Variants in CELF5 observed in about 807,000 individuals in gnomAD.
CELF5 encodes the protein CUGBP Elav-like family member 5.
A neutral mutation model predicts 54.9 loss-of-function variants in CELF5; 6 were observed. The ratio of observed to expected loss-of-function variants is 0.11; its 90% CI spans 0.06 to 0.22. CELF5 has a LOEUF of 0.22. CELF5 is among the 10% of genes least tolerant of loss of function. The pLI is 1.00. For synonymous variants in CELF5, 271 were observed against 290.9 expected (o/e 0.93, Z 0.70); for missense variants, 401 against 678.6 (o/e 0.59, Z 4.54).
intron 1 of CELF5, among the ~76,000 whole-genome samples, chr19:3,233,113 AT>A: frequency 6.6e-6 from 1 of 151,572 alleles, no homozygotes; most frequent in Admixed American, 6.6e-5. Context: ...AAATAAATAA[AT>A]AAATAAATAA....
chr19:3,248,910 C>CCTTTT (rs2079608256), intron 1 of CELF5, among the ~76,000 whole-genome samples: 1 of 119,230 alleles, frequency 8.4e-6, no homozygotes, highest in Non-Finnish European at 1.7e-5. Flanking sequence ...TCCTTCCTTT[C>CCTTTT]TTTCTTTCTT....
intron 1 of CELF5, among the ~76,000 whole-genome samples, chr19:3,243,910 T>A (rs2079525923): frequency 6.6e-6 from 1 of 151,864 alleles, no homozygotes; most frequent in African/African-American, 2.4e-5. Context: ...GGCACCAGTC[T>A]TATTGGATCA....
intron 2 of CELF5, among the ~76,000 whole-genome samples, chr19:3,255,152 C>T (rs1044745248): frequency 1.3e-5 from 2 of 152,116 alleles, no homozygotes; most frequent in African/African-American, 4.8e-5. Flanking sequence ...CCCCATCCCC[C>T]TAGACCCAAT....
rs56977899 is a variant in CELF5 at position 3,248,853 on chromosome 19, T to TCTTCCTTCCTTCCTTCCTTC, written c.260-2096_260-2077dup. Among the ~76,000 whole-genome samples, 96 of 118,906 alleles carry TCTTCCTTCCTTCCTTCCTTC rather than the reference T, an allele frequency of 8.1e-4. 1 individual carries two copies. The highest frequency in any genetic ancestry group is 1.4e-3 in the African/African-American group (40 of 28,600). 78.0% of individuals were successfully genotyped at this position (118,906 alleles called of 152,430 possible). On this transcript the variant is annotated intron_variant, in intron 1 of 12. Coordinates refer to ENST00000292672, the MANE Select transcript of CELF5 (RefSeq NM_021938.4). Reference sequence around the variant, plus strand: ...CCTACTACAAACTTTTTTCTTTCTTTCTTCCTTCCTTCCTTCCTTCCTTCC... The same window carrying TCTTCCTTCCTTCCTTCCTTC: ...CCTACTACAAACTTTTTTCTTTCTTTCTTCCTTCCTTCCTTCCTTCCTTCCTTCCTTCCTTCCTTCCTTCC...
rs764115970 is a variant in CELF5 at position 3,250,977 on chromosome 19, C to T, written c.260-8C>T. 1.2e-6 allele frequency: 2 copies of T among 1,612,176 alleles called. No individual in the cohort carries two copies. The highest frequency in any genetic ancestry group is 2.7e-5 in the African/African-American group (2 of 74,834). ...CTCTCTTAACACCCCCGTTTCTCTC[C>T]CTTCCAGGCTGTGCCTTCCTCACCT... On this transcript the variant is annotated splice_region_variant and splice_polypyrimidine_tract_variant and intron_variant, in intron 1 of 12. Transcript: ENST00000292672.
At chr19:3,258,615 TA>T (rs904388191) in intron 2 of CELF5, among the ~76,000 whole-genome samples, 69 of 152,180 alleles carry the variant, frequency 4.5e-4, no homozygotes, top group African/African-American at 1.6e-3. Context: ...ACATATTTTT[TA>T]TTTTTATTTT....
chr19:3,225,972 GAT>G (rs1385033998), intron 1 of CELF5, among the ~76,000 whole-genome samples: 3 of 152,160 alleles, frequency 2.0e-5, no homozygotes, highest in Non-Finnish European at 4.4e-5. Context: ...TTCTCCCTCC[GAT>G]GGCATCCCGG....
chr19:3,285,667 C>CCG (rs1249364148), intron 9 of CELF5, among the ~76,000 whole-genome samples: 3 of 74,948 alleles, frequency 4.0e-5, no homozygotes, highest in Non-Finnish European at 6.7e-5. Context: ...GGGTCCGCCC[C>CCG]CACCCCCCCT....
chr19:3,240,100 C>G (rs1434005328), intron 1 of CELF5, among the ~76,000 whole-genome samples: 1 of 151,932 alleles, frequency 6.6e-6, no homozygotes, highest in Admixed American at 6.6e-5. Context: ...ACTTTACCTC[C>G]CAAGTTCAAG....
rs1049561998 is a variant in CELF5 at position 3,228,924 on chromosome 19, G to A, written c.259+3926G>A. 1.3e-5 allele frequency among the ~76,000 whole-genome samples: 2 copies of A among 151,512 alleles called. No individual in the cohort carries two copies. The highest frequency in any genetic ancestry group is 2.9e-5 in the Non-Finnish European group (2 of 67,868). On this transcript the variant is annotated intron_variant, in intron 1 of 12. Coordinates refer to ENST00000292672, the MANE Select transcript of CELF5 (RefSeq NM_021938.4). The surrounding 1 kb of genome is among the most constrained non-coding windows in gnomAD (Gnocchi z 6.0). Reference sequence around the variant, plus strand: ...TGTGTGTGTGTGTGTGTACGCGGGCGCGCGCCTGGGAAGGACTCCTGCCGG... The same window carrying A: ...TGTGTGTGTGTGTGTGTACGCGGGCACGCGCCTGGGAAGGACTCCTGCCGG...
intron 2 of CELF5, among the ~76,000 whole-genome samples, chr19:3,261,164 A>G (rs1335106146): frequency 1.3e-5 from 2 of 152,172 alleles, no homozygotes; most frequent in Non-Finnish European, 2.9e-5. Flanking sequence ...TCATGCCTGT[A>G]ATCCTAGCAC....
chr19:3,234,891 G>A (rs1917448292), intron 1 of CELF5, among the ~76,000 whole-genome samples: 2 of 151,412 alleles, frequency 1.3e-5, no homozygotes, highest in Admixed American at 6.6e-5. Context: ...TCCCACCTTC[G>A]CGCCCCACAG....
At chr19:3,250,959 A>G (rs1014460814) in intron 1 of CELF5, 26 bp from the exon 2 acceptor site, 12 of 1,586,134 alleles carry the variant, frequency 7.6e-6, no homozygotes, top group Middle Eastern at 3.3e-4. Context: ...GTGCTCTCTT[A>G]ACACCCCCGT....
At chr19:3,261,335 T>C (rs922812660) in intron 2 of CELF5, among the ~76,000 whole-genome samples, 5 of 151,900 alleles carry the variant, frequency 3.3e-5, no homozygotes, top group African/African-American at 4.8e-5. Flanking sequence ...GGAGAATTGC[T>C]TGAACCTGGG....
chr19:3,232,155 G>A (rs1298402061), intron 1 of CELF5, among the ~76,000 whole-genome samples: 1 of 152,082 alleles, frequency 6.6e-6, no homozygotes, highest in Non-Finnish European at 1.5e-5. Flanking sequence ...AAATTTCTGT[G>A]TAATCCTGAA....
intron 11 of CELF5, among the ~76,000 whole-genome samples, chr19:3,292,727 G>A (rs1296042963): frequency 6.6e-6 from 1 of 152,054 alleles, no homozygotes; most frequent in African/African-American, 2.4e-5. Context: ...AAAGAGGGGA[G>A]GGGAGAGAAA....
At chr19:3,248,405 C>G (rs2079596540) in intron 1 of CELF5, among the ~76,000 whole-genome samples, 1 of 152,066 alleles carries the variant, frequency 6.6e-6, no homozygotes, top group Non-Finnish European at 1.5e-5. Context: ...CCCTGGCACC[C>G]CCCATCCTGA....
Sources: gnomAD v4.1 joint callset for allele counts (sites outside exome capture counted in the v4.1 genomes callset) on GRCh38, gnomAD v4.1.1 for gene constraint, Gnocchi (gnomAD v3.1) non-coding constraint, MANE v1.5 for transcripts, NCBI Gene and HGNC (gene_info 2026-07-23, HGNC 2026-07-21) for gene names.